Variants in LIG1 observed in about 807,000 individuals in gnomAD.
The protein encoded by LIG1 is ligase I, DNA, ATP-dependent.
A neutral mutation model predicts 115.7 loss-of-function variants in LIG1; 70 were observed. The ratio of observed to expected loss-of-function variants is 0.60; its 90% CI spans 0.50 to 0.74. The LOEUF (loss-of-function observed/expected upper bound fraction) is 0.74. LIG1 is among the 30% of genes least tolerant of loss of function. The pLI is 0.00. For missense variants in LIG1, 1,115 were observed against 1,225.6 expected (o/e 0.91, Z 1.35); for synonymous variants, 487 against 495.3 (o/e 0.98, Z 0.22).
chr19:48,143,901 C>A lies in LIG1; in HGVS notation c.839G>T (p.Cys280Phe). The change falls in exon 10 of 28, where the codon TGC (cysteine) becomes TTC (phenylalanine). Residue 280 changes from cysteine (C) to phenylalanine (F), a missense_variant. Physicochemically the swap from Cys to Phe is radical, Grantham distance 205. Coordinates refer to ENST00000263274, the MANE Select transcript of LIG1 (RefSeq NM_000234.3). ...KNNYHPVEDA[C>F]WKPGQKVPYL... ...ACCTCACTTCTGGCCCGGTTTCCAGCAGGCATCTTCCACGGGATGATAGTT... is the reference window on the plus strand; with the variant it reads ...ACCTCACTTCTGGCCCGGTTTCCAGAAGGCATCTTCCACGGGATGATAGTT... 1.9e-6 allele frequency: 3 copies of A among 1,614,000 alleles called. No homozygotes were observed. Among genetic ancestry groups the A allele is most frequent in the Non-Finnish European group, 2.5e-6 (3 of 1,179,894 alleles).
chr19:48,129,541 G>A (rs1015238343), intron 19 of LIG1, among the ~76,000 whole-genome samples: 6 of 152,172 alleles, frequency 3.9e-5, no homozygotes, highest in East Asian at 1.9e-4. Context: ...GGCCTAGCTC[G>A]GAGCAGATGC....
chr19:48,134,102 T>C lies in LIG1; in HGVS notation c.1524-36A>G, dbSNP rs768563513. 5 of 1,523,410 alleles carry C rather than the reference T, an allele frequency of 3.3e-6. No individual in the cohort carries two copies. The South Asian group carries it at 6.0e-5, about 18-fold the overall frequency. 94.4% of individuals were successfully genotyped at this position (1,523,410 alleles called of 1,614,324 possible). A position where few individuals can be genotyped will look rare whatever the true frequency, so the allele number is the denominator to read the frequency against. ...GGGTGAGAACAAGATAGGGGAAGCCTTTCTAGAACTCACACAGTTTGGAAA... is the reference window on the plus strand; with the variant it reads ...GGGTGAGAACAAGATAGGGGAAGCCCTTCTAGAACTCACACAGTTTGGAAA... On this transcript the variant is annotated intron_variant, in intron 16 of 27. Coordinates refer to ENST00000263274, the MANE Select transcript of LIG1 (RefSeq NM_000234.3).
intron 18 of LIG1, 148 bp from the exon 19 acceptor site, chr19:48,131,319 GTTCCAACAGCACCTCCC>G: frequency 1.5e-6 from 1 of 662,096 alleles, no homozygotes; most frequent in Non-Finnish European, 2.8e-6. Flanking sequence ...CATCTCCTCA[GTTCCAACAGCACCTCCC>G]AGCCCTGCTC....
chr19:48,165,849 A>T, intron 1 of LIG1: 1 of 556,964 alleles, frequency 1.8e-6, no homozygotes. Context: ...CTCCTTTACC[A>T]TAAGAAGACT....
In LIG1 at chr19:48,115,631, C is replaced by T; in HGVS notation, c.*18G>A. 1.3e-6 allele frequency: 2 copies of T among 1,587,544 alleles called. No homozygotes were observed. The highest frequency in any genetic ancestry group is 2.2e-5 in the South Asian group (2 of 90,556). On this transcript the variant is annotated 3_prime_UTR_variant, in exon 28 of 28. Coordinates refer to ENST00000263274, the MANE Select transcript of LIG1 (RefSeq NM_000234.3). ...GTCCAACTCATGCCCTGTACCCAGG[C>T]CCTAGGAGGGCGAGGGCTTAGTAGG...
rs544212128 is a variant in LIG1, at chr19:48,117,615, C to A, written c.2583+23G>T. ...CCGCCCAGAATCCCACACAGGGCCA[C>A]GGCCAGGTCCTCTGCCACTCACCAG... On this transcript the variant is annotated intron_variant, in intron 26 of 27. Coordinates refer to ENST00000263274, the MANE Select transcript of LIG1 (RefSeq NM_000234.3). The A allele has an allele frequency of 4.3e-5, 70 of 1,610,188 alleles. 1 individual carries two copies. The East Asian group carries it at 1.5e-3, about 35-fold the overall frequency.
chr19:48,145,169 G>A (rs1373818626), intron 9 of LIG1, among the ~76,000 whole-genome samples: 1 of 152,150 alleles, frequency 6.6e-6, no homozygotes, highest in African/African-American at 2.4e-5. Context: ...AAAGTCCTGG[G>A]ATTATAGGCA....
chr19:48,126,430 AC>A (rs768075023), intron 21 of LIG1, among the ~76,000 whole-genome samples: 6 of 152,040 alleles, frequency 3.9e-5, no homozygotes, highest in Non-Finnish European at 8.8e-5. Flanking sequence ...ACATGGTGAA[AC>A]CCCGTCTCTA....
chr19:48,162,624 G>C (rs908436642), intron 2 of LIG1, among the ~76,000 whole-genome samples: 1 of 151,888 alleles, frequency 6.6e-6, no homozygotes, highest in African/African-American at 2.4e-5. Context: ...TAGTAGAGAT[G>C]GGGTATCACC....
intron 21 of LIG1, among the ~76,000 whole-genome samples, chr19:48,125,817 G>A (rs1029364169): frequency 6.6e-6 from 1 of 151,450 alleles, no homozygotes; most frequent in African/African-American, 2.4e-5. Context: ...GTGAAACACC[G>A]TCTCTACTAA....
At chr19:48,116,210 G>C (rs576975058) in intron 26 of LIG1, 1 of 471,248 alleles carries the variant, frequency 2.1e-6, no homozygotes, top group African/African-American at 2.0e-5. Context: ...TTGGGAGGCC[G>C]AGGCGGGTGG....
chr19:48,170,159 G>A (rs2036730664), intron 1 of LIG1, 82 bp downstream of exon 1: 2 of 453,486 alleles, frequency 4.4e-6, no homozygotes, highest in Admixed American at 2.4e-5. Flanking sequence ...CAGACACCCC[G>A]ACATGGCGAA....
chr19:48,162,635 G>A (rs3730852), intron 2 of LIG1, among the ~76,000 whole-genome samples: 2,275 of 152,026 alleles, frequency 0.015, 59 homozygotes, highest in African/African-American at 0.052. Context: ...GGGTATCACC[G>A]TGTTAGCCAG....
rs373165967 is a variant in LIG1, at chr19:48,164,296, G to A, written c.17+1254C>T. ...AGACAATCCCCAGATTCCTCATCAC[G>A]GGAGAAAAACGGAACCCAGCATTTG... On this transcript the variant is annotated intron_variant, in intron 2 of 27. Transcript: ENST00000263274. Among the ~76,000 whole-genome samples the A allele has an allele frequency of 3.9e-5, 6 of 152,256 alleles. No individual in the cohort carries two copies. The East Asian group carries it at 7.7e-4, about 20-fold the overall frequency.
chr19:48,116,627 G>A (rs1326301640), intron 26 of LIG1, among the ~76,000 whole-genome samples: 4 of 151,990 alleles, frequency 2.6e-5, no homozygotes, highest in Non-Finnish European at 5.9e-5. Flanking sequence ...AGGCTCTCTA[G>A]GGCTCTACAT....
chr19:48,166,267 C>A (rs959007413), intron 1 of LIG1, among the ~76,000 whole-genome samples: 1 of 152,136 alleles, frequency 6.6e-6, no homozygotes, highest in Admixed American at 6.5e-5. Context: ...TGCGGTGGCA[C>A]GCGCCTGTAT....
At chr19:48,130,274 C>G (rs2033928709) in intron 19 of LIG1, among the ~76,000 whole-genome samples, 2 of 152,266 alleles carry the variant, frequency 1.3e-5, no homozygotes, top group Admixed American at 6.5e-5. Flanking sequence ...CTGTGCCTCT[C>G]TCTGTCACTG....
At chr19:48,127,237 T>A in intron 21 of LIG1, 40 bp downstream of exon 21, 1 of 1,552,622 alleles carries the variant, frequency 6.4e-7, no homozygotes, top group Non-Finnish European at 8.9e-7. Context: ...CCCCACCCCG[T>A]CACCCCTCAG....
At chr19:48,124,617 T>C (rs1260444623) in intron 21 of LIG1, among the ~76,000 whole-genome samples, 8 of 152,242 alleles carry the variant, frequency 5.3e-5, no homozygotes, top group Admixed American at 3.9e-4. Flanking sequence ...TAATTTCTTA[T>C]ATTCATCACA....
Sources: gnomAD v4.1 joint callset for allele counts (sites outside exome capture counted in the v4.1 genomes callset) on GRCh38, gnomAD v4.1.1 for gene constraint, MANE v1.5 for transcripts, NCBI Gene and HGNC (gene_info 2026-07-23, HGNC 2026-07-21) for gene names.